The following YWHAG variants were observed in gnomAD, a reference collection of about 807,000 sequenced individuals.
YWHAG encodes 14-3-3 protein gamma.
Under a neutral mutation model 23.3 loss-of-function variants are expected in YWHAG, and 1 was observed. The observed-to-expected ratio is 0.04, with a 90% CI of 0.02 to 0.20. The LOEUF (loss-of-function observed/expected upper bound fraction) is 0.20, where lower values mean the gene tolerates loss of function less well. YWHAG is among the 10% of genes least tolerant of loss of function. YWHAG has a pLI of 1.00. For synonymous variants in YWHAG, 160 were observed against 144.0 expected (o/e 1.11, Z -0.80); for missense variants, 151 against 338.6 (o/e 0.45, Z 4.35).
intron 1 of YWHAG, among the ~76,000 whole-genome samples, chr7:76,339,813 G>T (rs536402975): frequency 6.6e-6 from 1 of 152,274 alleles, no homozygotes; most frequent in Non-Finnish European, 1.5e-5. Flanking sequence ...TTTCTGCCAA[G>T]TGCGGCGGCT....
chr7:76,331,618 T>C (rs1455041359), intron 1 of YWHAG, among the ~76,000 whole-genome samples: 4 of 151,890 alleles, frequency 2.6e-5, no homozygotes, highest in African/African-American at 7.3e-5. Flanking sequence ...CCCAAGGGAA[T>C]GTGGCCCAGG....
chr7:76,343,197 G>A (rs61005511), intron 1 of YWHAG, among the ~76,000 whole-genome samples: 2,783 of 152,134 alleles, frequency 0.018, 78 homozygotes, highest in African/African-American at 0.063. Context: ...TACTGCAGCC[G>A]TTTTTAAAAA....
In YWHAG at chr7:76,330,112, G is replaced by A; in HGVS notation, c.209C>T (p.Thr70Ile). The A allele has an allele frequency of 1.9e-6, 3 of 1,614,130 alleles. No homozygotes were observed. Among genetic ancestry groups the A allele is most frequent in the Non-Finnish European group, 2.5e-6 (3 of 1,180,024 alleles). ...CTTCTTCTCATTGCCGTCTGCAGAT[G>A]TCTTCTGCTCAATGCTACTGATGAC... ...WRVISSIEQK[T>I]SADGNEKKIE... Residue 70 changes from threonine to isoleucine, a missense_variant, in exon 2 of 2, where the codon ACA (threonine) becomes ATA (isoleucine). Thr to Ile is a moderately conservative substitution (Grantham distance 89). Transcript: ENST00000307630.
chr7:76,339,405 G>C (rs1235866724), intron 1 of YWHAG, among the ~76,000 whole-genome samples: 1 of 151,968 alleles, frequency 6.6e-6, no homozygotes, highest in African/African-American at 2.4e-5. Context: ...GGGAGGCAGA[G>C]GTTGCAGTGA....
chr7:76,349,936 G>C (rs144142181), intron 1 of YWHAG, among the ~76,000 whole-genome samples: 91 of 152,304 alleles, frequency 6.0e-4, no homozygotes, highest in African/African-American at 2.1e-3. Context: ...GGAGGTTGCA[G>C]TGAGTTGAGA....
intron 1 of YWHAG, among the ~76,000 whole-genome samples, chr7:76,334,356 A>C (rs1803587833): frequency 6.6e-6 from 1 of 152,242 alleles, no homozygotes; most frequent in African/African-American, 2.4e-5. Context: ...ATGACTATTC[A>C]ATGTGGGAAG....
In YWHAG at chr7:76,330,288, A is replaced by C. The variant is rs148559105; in HGVS notation, c.88-55T>G. 26 of 1,548,770 alleles carry C rather than the reference A, an allele frequency of 1.7e-5. No homozygotes were observed. The African/African-American group carries it at 2.6e-4, about 15-fold the overall frequency. ...GGTACAGATGGTGTCCACTGGGTTA[A>C]CTGTATCTTTGAGACACTAGAACAG... is the stretch of plus-strand genomic sequence containing the variant. On this transcript the variant is annotated intron_variant, in intron 1 of 1. Transcript: ENST00000307630.
intron 1 of YWHAG, among the ~76,000 whole-genome samples, chr7:76,345,065 G>A (rs112895948): frequency 0.013 from 1,944 of 152,220 alleles, 21 homozygotes; most frequent in South Asian, 0.026. Context: ...TGAGGGAGGG[G>A]GACACTGAGA....
chr7:76,330,015 G>A lies in YWHAG; in HGVS notation c.306C>T (p.Ser102=). 6.2e-7 allele frequency: 1 copy of A among 1,614,132 alleles called. No individual in the cohort carries two copies. Among genetic ancestry groups the A allele is most frequent in the Non-Finnish European group, 8.5e-7 (1 of 1,180,040 alleles). Residue 102 remains serine (S), a synonymous_variant, in exon 2 of 2, where the codon AGC becomes AGT. Coordinates refer to ENST00000307630, the MANE Select transcript of YWHAG (RefSeq NM_012479.4). ...ELEAVCQDVL[S]LLDNYLIKNC... The stretch of plus-strand genomic sequence containing the variant: ...TCTTGATCAGGTAGTTATCCAGCAG[G>A]CTCAGCACATCCTGGCACACAGCCT...
intron 1 of YWHAG, among the ~76,000 whole-genome samples, chr7:76,341,751 G>A (rs547348950): frequency 3.9e-5 from 6 of 152,250 alleles, no homozygotes; most frequent in African/African-American, 1.4e-4. Flanking sequence ...GGAGGTGATG[G>A]GGAATGACTG....
intron 1 of YWHAG, among the ~76,000 whole-genome samples, chr7:76,348,644 T>C (rs1309362293): frequency 6.6e-6 from 1 of 152,088 alleles, no homozygotes; most frequent in Non-Finnish European, 1.5e-5. Context: ...AACCTCGTGA[T>C]GCACCCACCT....
At chr7:76,358,253 T>C (rs564650781) in intron 1 of YWHAG, among the ~76,000 whole-genome samples, 1 of 150,612 alleles carries the variant, frequency 6.6e-6, no homozygotes, top group African/African-American at 2.4e-5. Context: ...GCTGGGGAGG[T>C]GGAAAACCGG....
At chr7:76,336,375 C>T (rs1387214123) in intron 1 of YWHAG, among the ~76,000 whole-genome samples, 1 of 151,000 alleles carries the variant, frequency 6.6e-6, no homozygotes, top group Non-Finnish European at 1.5e-5. Context: ...GAAGGCTGTG[C>T]TTGTGTGGGG....
intron 1 of YWHAG, among the ~76,000 whole-genome samples, chr7:76,343,678 A>G (rs1054691743): frequency 3.9e-5 from 6 of 152,180 alleles, no homozygotes; most frequent in Non-Finnish European, 7.3e-5. Context: ...CTCTACCTCC[A>G]TAATCTGAAC....
At chr7:76,355,913 A>G (rs1011085410) in intron 1 of YWHAG, among the ~76,000 whole-genome samples, 1 of 152,220 alleles carries the variant, frequency 6.6e-6, no homozygotes, top group Non-Finnish European at 1.5e-5. Flanking sequence ...GGATACATCT[A>G]GGTGTTCACT....
chr7:76,329,283 T>C lies in YWHAG; in HGVS notation c.*294A>G, dbSNP rs1803503952. ...GTTTTCTTTTCATCTGAAAACCCTATTATCTAGCAATAAGTTAAATTAGAG... is the reference window on the plus strand; with the variant it reads ...GTTTTCTTTTCATCTGAAAACCCTACTATCTAGCAATAAGTTAAATTAGAG... On this transcript the variant is annotated 3_prime_UTR_variant, in exon 2 of 2. Coordinates refer to ENST00000307630, the MANE Select transcript of YWHAG (RefSeq NM_012479.4). This position sits in a 1 kb window ranked among gnomAD's most constrained non-coding sequence, Gnocchi z 6.1. 5.8e-6 allele frequency: 2 copies of C among 343,968 alleles called. No homozygotes were observed. Among genetic ancestry groups the C allele is most frequent in the South Asian group, 5.6e-5 (1 of 17,812 alleles). The allele number at this position is 343,968 out of a possible 1,614,324, so 21.3% of individuals were successfully genotyped here.
rs1803519613 is a variant in YWHAG, at chr7:76,330,007, T to C, written c.314A>G (p.Asp105Gly). The change falls in exon 2 of 2, where the codon GAT (aspartate) becomes GGT (glycine). Residue 105 changes from aspartate (D) to glycine (G), a missense_variant. Transcript: ENST00000307630. Reference sequence around the variant, plus strand: ...GCTGCAATTCTTGATCAGGTAGTTATCCAGCAGGCTCAGCACATCCTGGCA... The same window carrying C: ...GCTGCAATTCTTGATCAGGTAGTTACCCAGCAGGCTCAGCACATCCTGGCA... The part of the protein sequence containing the change: ...AVCQDVLSLL[D>G]NYLIKNCSET... 6.2e-7 allele frequency: 1 copy of C among 1,614,070 alleles called. No individual in the cohort carries two copies. Among genetic ancestry groups the C allele is most frequent in the African/African-American group, 1.3e-5 (1 of 74,926 alleles).
intron 1 of YWHAG, among the ~76,000 whole-genome samples, chr7:76,335,585 G>A (rs1162526335): frequency 2.0e-5 from 3 of 152,192 alleles, no homozygotes; most frequent in Non-Finnish European, 4.4e-5. Flanking sequence ...AAGCTACTTA[G>A]ATGACTTTCT....
rs370392933 is a variant in YWHAG, at chr7:76,341,162, G to A, written c.88-10929C>T. The stretch of plus-strand genomic sequence containing the variant: ...AATCCCAGCACTTTAGGAGGCTGAA[G>A]CTGGCAGATCACTTGAGGTCAGGAG... On this transcript the variant is annotated intron_variant, in intron 1 of 1. Transcript: ENST00000307630. 6.5e-4 allele frequency among the ~76,000 whole-genome samples: 99 copies of A among 152,272 alleles called. No homozygotes were observed. In the South Asian group the frequency reaches 0.011, roughly 17 times the overall value.
Sources: allele counts gnomAD v4.1 joint callset (sites outside exome capture counted in the v4.1 genomes callset), GRCh38; gene constraint gnomAD v4.1.1; non-coding constraint Gnocchi (gnomAD v3.1); transcripts MANE v1.5; gene names NCBI Gene and HGNC (gene_info 2026-07-23, HGNC 2026-07-21).